Variants in PRELID2 observed in about 807,000 individuals in gnomAD.
PRELID2 encodes the protein PRELI domain-containing protein 2.
A neutral mutation model predicts 28.4 loss-of-function variants in PRELID2; 25 were observed. That is an observed-to-expected ratio of 0.88 (90% CI 0.64 to 1.23). PRELID2 has a LOEUF of 1.23. PRELID2 is among the 50% of genes most tolerant of loss of function. PRELID2 has a pLI of 0.00. For missense variants in PRELID2, 201 were observed against 214.4 expected, an observed-to-expected ratio of 0.94 and a Z score of 0.39; for synonymous variants, 76 against 71.6, an observed-to-expected ratio of 1.06 and a Z score of -0.31.
At chr5:145,240,354 T>A in the PRELID2 span, among the ~76,000 whole-genome samples, 1 of 151,998 alleles carries the variant, frequency 6.6e-6, no homozygotes, top group Non-Finnish European at 1.5e-5. Context: ...AATATTAACA[T>A]TTTGTTTCTG....
the PRELID2 span, among the ~76,000 whole-genome samples, chr5:145,400,906 C>T: frequency 2.6e-5 from 4 of 152,090 alleles, no homozygotes; most frequent in Non-Finnish European, 4.4e-5. Context: ...ATGTCTAAAG[C>T]CAGTGCCATT....
At chr5:145,707,566 G>C (rs1286832382) in intron 1 of PRELID2, among the ~76,000 whole-genome samples, 2 of 152,078 alleles carry the variant, frequency 1.3e-5, no homozygotes, top group African/African-American at 4.8e-5. Flanking sequence ...TACTGAAATG[G>C]TGGCCTTTAG....
chr5:145,303,835 G>T, the PRELID2 span, among the ~76,000 whole-genome samples: 1 of 152,210 alleles, frequency 6.6e-6, no homozygotes, highest in African/African-American at 2.4e-5. Context: ...GATATATTCA[G>T]GGACAAGAGA....
At chr5:145,408,534 G>A in the PRELID2 span, among the ~76,000 whole-genome samples, 3 of 148,564 alleles carry the variant, frequency 2.0e-5, no homozygotes, top group African/African-American at 7.4e-5. Flanking sequence ...TTAAAGAAAA[G>A]ACAATCACAA....
chr5:145,348,454 A>C, the PRELID2 span, among the ~76,000 whole-genome samples: 1 of 152,060 alleles, frequency 6.6e-6, no homozygotes, highest in Non-Finnish European at 1.5e-5. Flanking sequence ...TAATGATCAA[A>C]TCCATCAATT....
At chr5:145,430,996 C>T in the PRELID2 span, among the ~76,000 whole-genome samples, 163 of 145,766 alleles carry the variant, frequency 1.1e-3, no homozygotes, top group South Asian at 7.7e-3. Flanking sequence ...GGAATGAGGC[C>T]CTGGCAATGG....
Position 145,522,695 on chromosome 5 carries a change from G to A in PRELID2, n.71-49380C>T, listed in dbSNP as rs143763097. Reference sequence around the variant, plus strand: ...GCATTTACTTTATTTCAAACCACACGACATTGCTGGGGAAGATACATTACC... The same window carrying A: ...GCATTTACTTTATTTCAAACCACACAACATTGCTGGGGAAGATACATTACC... On this transcript the variant is annotated intron_variant and non_coding_transcript_variant, in intron 1 of 2. Coordinates refer to the PRELID2 transcript ENST00000510259. Among the ~76,000 whole-genome samples the A allele has an allele frequency of 2.1e-3, 317 of 151,980 alleles. 1 individual carries two copies. Among genetic ancestry groups the A allele is most frequent in the African/African-American group, 7.1e-3 (294 of 41,422 alleles).
intron 1 of PRELID2, among the ~76,000 whole-genome samples, chr5:145,663,871 C>G (rs1418114397): frequency 6.6e-6 from 1 of 152,066 alleles, no homozygotes; most frequent in East Asian, 1.9e-4. Flanking sequence ...CAGCAGTGCG[C>G]CCATTATCAT....
At chr5:145,256,975 A>C in the PRELID2 span, among the ~76,000 whole-genome samples, 1 of 151,958 alleles carries the variant, frequency 6.6e-6, no homozygotes, top group Non-Finnish European at 1.5e-5. Context: ...GTACTACATG[A>C]AGTGTTTTTA....
intron 1 of PRELID2, among the ~76,000 whole-genome samples, chr5:145,746,248 G>A (rs1234115577): frequency 3.3e-5 from 5 of 152,188 alleles, no homozygotes; most frequent in Middle Eastern, 3.4e-3. Context: ...AAGACCCGTC[G>A]GCGTGCTGTA....
At chr5:145,374,769 A>C in the PRELID2 span, among the ~76,000 whole-genome samples, 1 of 151,842 alleles carries the variant, frequency 6.6e-6, no homozygotes, top group African/African-American at 2.4e-5. Context: ...CACTTAGTCA[A>C]TTTGGCTTTT....
chr5:145,364,967 A>G, the PRELID2 span, among the ~76,000 whole-genome samples: 2 of 152,042 alleles, frequency 1.3e-5, no homozygotes, highest in Admixed American at 1.3e-4. Context: ...TGGACTACAC[A>G]AAGTAGTCAG....
intron 1 of PRELID2, among the ~76,000 whole-genome samples, chr5:145,592,473 TACACACACACAC>T: frequency 6.7e-6 from 1 of 149,516 alleles, no homozygotes; most frequent in African/African-American, 2.4e-5. Flanking sequence ...CACACATACA[TACACACACACAC>T]ACACACACAT....
At chr5:145,475,560 A>G (rs1204482814) in intron 1 of PRELID2, among the ~76,000 whole-genome samples, 1 of 152,332 alleles carries the variant, frequency 6.6e-6, no homozygotes, top group East Asian at 1.9e-4. Context: ...GCAAGGAAAT[A>G]CAAAATTTAA....
In PRELID2 at chr5:145,823,101, CTGAGA is replaced by C; in HGVS notation, c.104_108del (p.Ile35SerfsTer10). ...CCTCTTTTTTCCTCCATGATTTTTA[CTGAGA>C]TGACATTTTTATCCATGGGGTTGGG... is the stretch of plus-strand genomic sequence containing the variant. On this transcript the variant is annotated frameshift_variant, in exon 2 of 7. Coordinates refer to ENST00000683046, the MANE Select transcript of PRELID2 (RefSeq NM_205846.3). LOFTEE classifies it high-confidence loss of function. The C allele has an allele frequency of 6.5e-6, 10 of 1,535,862 alleles. No homozygotes were observed. Among genetic ancestry groups the C allele is most frequent in the Non-Finnish European group, 9.0e-6 (10 of 1,109,112 alleles).
chr5:145,728,252 C>A, intron 1 of PRELID2: 1 of 228,970 alleles, frequency 4.4e-6, no homozygotes, highest in Non-Finnish European at 8.7e-6. Context: ...TTCATCTATC[C>A]CTGCCTGTCC....
the PRELID2 span, among the ~76,000 whole-genome samples, chr5:145,331,702 A>T: frequency 2.8e-4 from 43 of 151,936 alleles, no homozygotes; most frequent in Admixed American, 2.7e-3. Context: ...CAGCACACTG[A>T]TGGGTCTTGA....
intron 1 of PRELID2, among the ~76,000 whole-genome samples, chr5:145,651,033 C>A (rs530545173): frequency 2.3e-4 from 35 of 152,242 alleles, no homozygotes; most frequent in African/African-American, 7.9e-4. Context: ...ACAGATGGCA[C>A]CTGGAAAATC....
the PRELID2 span, chr5:145,229,629 C>A: frequency 2.0e-6 from 2 of 997,426 alleles, no homozygotes; most frequent in Non-Finnish European, 3.2e-6. Context: ...TCGTGGAGAA[C>A]ATCTTCACCA....
Sources: allele counts gnomAD v4.1 joint callset (sites outside exome capture counted in the v4.1 genomes callset), GRCh38; gene constraint gnomAD v4.1.1; transcripts MANE v1.5; gene names NCBI Gene and HGNC (gene_info 2026-07-23, HGNC 2026-07-21).